SFRP1: variants seen among roughly 807,000 people sequenced by gnomAD.
SFRP1 encodes the protein secreted frizzled related protein 1.
A neutral mutation model predicts 25.9 loss-of-function variants in SFRP1; 9 were observed. The observed-to-expected ratio is 0.35, with a 90% CI of 0.21 to 0.61. SFRP1 has a LOEUF of 0.61. Ranked by LOEUF, SFRP1 falls within the 20% of genes least tolerant of loss-of-function variation. The probability of loss-of-function intolerance (pLI) is 0.78; values close to 1 mark genes in which losing one functional copy is unlikely to be tolerated. For missense variants in SFRP1, 346 were observed against 418.2 expected (o/e 0.83, Z 1.51); for synonymous variants, 178 against 174.0 (o/e 1.02, Z -0.18).
intron 2 of SFRP1, among the ~76,000 whole-genome samples, chr8:41,285,880 G>A (rs954184455): frequency 2.0e-5 from 3 of 152,158 alleles, no homozygotes; most frequent in South Asian, 4.1e-4. Flanking sequence ...CCTCCCAGCC[G>A]CCTCAGAAGT....
In SFRP1 at chr8:41,265,012, A is replaced by C. The variant is rs1002053680; in HGVS notation, c.*155T>G. On this transcript the variant is annotated 3_prime_UTR_variant, in exon 3 of 3. Coordinates refer to ENST00000220772, the MANE Select transcript of SFRP1 (RefSeq NM_003012.5). ...GGTTTGGAGCGTGGCTATGGAGGGA[A>C]GGGAGCGGGAATGCTGCAAGAACAA... 1 of 614,804 alleles carries C rather than the reference A, an allele frequency of 1.6e-6. No individual in the cohort carries two copies. The highest frequency in any genetic ancestry group is 3.0e-5 in the Admixed American group (1 of 33,448). 38.1% of individuals were successfully genotyped at this position (614,804 alleles called of 1,614,324 possible).
At position 41,296,785 on chromosome 8, in the gene SFRP1, G is replaced by A. The variant is rs114125764; in HGVS notation, c.622+6676C>T. Among the ~76,000 whole-genome samples the A allele has an allele frequency of 2.4e-3, 369 of 152,222 alleles. 6 individuals carry two copies. The highest frequency in any genetic ancestry group is 8.3e-3 in the African/African-American group (346 of 41,520). On this transcript the variant is annotated intron_variant, in intron 2 of 2. Coordinates refer to ENST00000220772, the MANE Select transcript of SFRP1 (RefSeq NM_003012.5). ...CCCTGCTAAATTAAAAGGAGAACGC[G>A]TTAGGTAGAGTGTTTCTAAAAAACA...
At chr8:41,304,288 G>C (rs949886754) in intron 1 of SFRP1, among the ~76,000 whole-genome samples, 4 of 152,234 alleles carry the variant, frequency 2.6e-5, no homozygotes, top group African/African-American at 9.6e-5. Context: ...GGCCAGGGCA[G>C]AAGCCTCCTC....
In SFRP1 at chr8:41,303,532, G is replaced by A. The variant is rs146935086; in HGVS notation, c.551C>T (p.Thr184Met). The change falls in exon 2 of 3, where the codon ACG becomes ATG. Residue 184 changes from threonine (T) to methionine (M), a missense_variant. Coordinates refer to ENST00000220772, the MANE Select transcript of SFRP1 (RefSeq NM_003012.5). Reference protein sequence around the residue: ...ATEASKPQGTTVCPPCDNELK... With the variant: ...ATEASKPQGTMVCPPCDNELK... ...CTCGTTGTCACAGGGAGGACACACC[G>A]TTGTGCCTGGGAAAGGAAGTAGGGA... 2.0e-4 allele frequency: 322 copies of A among 1,613,212 alleles called. No homozygotes were observed. The highest frequency in any genetic ancestry group is 4.1e-4 in the African/African-American group (31 of 74,984).
chr8:41,266,861 AG>A (rs1289203503), intron 2 of SFRP1, among the ~76,000 whole-genome samples: 1 of 152,234 alleles, frequency 6.6e-6, no homozygotes, highest in Non-Finnish European at 1.5e-5. Context: ...GCACTCAGCA[AG>A]GGAAAGTTAA....
intron 2 of SFRP1, among the ~76,000 whole-genome samples, chr8:41,301,985 A>G (rs1282932976): frequency 6.6e-6 from 1 of 152,226 alleles, no homozygotes; most frequent in Non-Finnish European, 1.5e-5. Context: ...ATTCTTTCCC[A>G]GGCTTGCCTC....
intron 2 of SFRP1, among the ~76,000 whole-genome samples, chr8:41,294,762 A>C (rs1408557149): frequency 6.6e-6 from 1 of 151,954 alleles, no homozygotes; most frequent in Admixed American, 6.6e-5. Flanking sequence ...TACATTCAAG[A>C]CTCAAATATG....
In SFRP1 at chr8:41,309,135, C is replaced by A; in HGVS notation, c.25G>T (p.Gly9Cys). The A allele has an allele frequency of 7.0e-7, 1 of 1,435,742 alleles. No individual in the cohort carries two copies. Among genetic ancestry groups the A allele is most frequent in the South Asian group, 1.5e-5 (1 of 67,876 alleles). 88.9% of individuals were successfully genotyped at this position (1,435,742 alleles called of 1,614,324 possible). A position where few individuals can be genotyped will look rare whatever the true frequency, so the allele number is the denominator to read the frequency against. The change falls in exon 1 of 3, where the codon GGC becomes TGC. Residue 9 changes from glycine to cysteine, a missense_variant. Transcript: ENST00000220772. The part of the protein sequence containing the change: MGIGRSEG[G>C]RRGAALGVLL... The stretch of plus-strand genomic sequence containing the variant: ...ACGCCCAGGGCTGCCCCGCGGCGGC[C>A]CCCCTCGCTGCGCCCGATGCCCATG...
intron 2 of SFRP1, among the ~76,000 whole-genome samples, chr8:41,292,560 G>C (rs1225748735): frequency 6.6e-6 from 1 of 152,152 alleles, no homozygotes; most frequent in Non-Finnish European, 1.5e-5. Flanking sequence ...TCTTTATAAA[G>C]TATTCAGTCT....
chr8:41,293,382 T>A (rs142840973), intron 2 of SFRP1, among the ~76,000 whole-genome samples: 1 of 152,172 alleles, frequency 6.6e-6, no homozygotes, highest in East Asian at 1.9e-4. Context: ...AAGCAGAACA[T>A]AGAATGCGAA....
intron 2 of SFRP1, among the ~76,000 whole-genome samples, chr8:41,294,630 A>T (rs1034142884): frequency 3.3e-5 from 5 of 152,126 alleles, no homozygotes; most frequent in African/African-American, 1.2e-4. Context: ...TACCTCTGTT[A>T]TGCCTCCAAA....
chr8:41,303,517 C>T lies in SFRP1; in HGVS notation c.566G>A (p.Cys189Tyr), dbSNP rs1166811978. The T allele has an allele frequency of 5.0e-6, 8 of 1,613,832 alleles. No individual in the cohort carries two copies. The highest frequency in any genetic ancestry group is 6.8e-6 in the Non-Finnish European group (8 of 1,179,914). Residue 189 changes from cysteine to tyrosine, a missense_variant, in exon 2 of 3, where the codon TGT (cysteine) becomes TAT (tyrosine). Cys to Tyr is a radical substitution (Grantham distance 194). Coordinates refer to ENST00000220772, the MANE Select transcript of SFRP1 (RefSeq NM_003012.5). ...KPQGTTVCPP[C>Y]DNELKSEAII... ...GGCCTCAGATTTCAACTCGTTGTCA[C>T]AGGGAGGACACACCGTTGTGCCTGG...
chr8:41,280,403 T>C (rs1803621318), intron 2 of SFRP1, among the ~76,000 whole-genome samples: 1 of 152,192 alleles, frequency 6.6e-6, no homozygotes, highest in South Asian at 2.1e-4. Context: ...GCCTTACCTC[T>C]ATTTTCTGGA....
intron 2 of SFRP1, among the ~76,000 whole-genome samples, chr8:41,288,688 T>C (rs1803739431): frequency 6.6e-6 from 1 of 152,168 alleles, no homozygotes; most frequent in African/African-American, 2.4e-5. Context: ...GTTCCAAGCA[T>C]TGCCCTTGGC....
intron 1 of SFRP1, among the ~76,000 whole-genome samples, chr8:41,305,023 C>T (rs937857904): frequency 5.9e-5 from 9 of 152,086 alleles, no homozygotes. Context: ...TGGTAATTCT[C>T]ACAAAGGAGA....
intron 2 of SFRP1, among the ~76,000 whole-genome samples, chr8:41,279,959 CT>C (rs1380075843): frequency 6.6e-6 from 1 of 152,214 alleles, no homozygotes; most frequent in Non-Finnish European, 1.5e-5. Flanking sequence ...TGAATAGTCT[CT>C]TTCTTTTTTT....
rs368345836 is a variant in SFRP1 at position 41,265,255 on chromosome 8, T to C, written c.857A>G (p.Lys286Arg). The change falls in exon 3 of 3, where the codon AAG (lysine) becomes AGG (arginine). Residue 286 changes from lysine to arginine, a missense_variant. Physicochemically the swap from Lys to Arg is conservative, Grantham distance 26. Coordinates refer to ENST00000220772, the MANE Select transcript of SFRP1 (RefSeq NM_003012.5). ...KSQYLLTAIHKWDKKNKEFKN... is the reference protein window; with the variant it reads ...KSQYLLTAIHRWDKKNKEFKN... ...GAACTCCTTGTTTTTCTTGTCCCAC[T>C]TGTGGATGGCCGTCAGCAAGTACTG... is the stretch of plus-strand genomic sequence containing the variant. 6 of 1,614,032 alleles carry C rather than the reference T, an allele frequency of 3.7e-6. No individual in the cohort carries two copies. In the African/African-American group the frequency reaches 4.0e-5, roughly 11 times the overall value.
Position 41,309,201 on chromosome 8 carries a change from C to T in SFRP1, c.-42G>A, listed in dbSNP as rs1804040099. On this transcript the variant is annotated 5_prime_UTR_variant, in exon 1 of 3. Transcript: ENST00000220772. ...GTTCTCCGCGACGTCGGGGCTGCCT[C>T]CGCCGCCTCCCCGCGCGCGTCCTGC... 7.9e-7 allele frequency: 1 copy of T among 1,273,130 alleles called. No homozygotes were observed. Among genetic ancestry groups the T allele is most frequent in the Middle Eastern group, 3.0e-4 (1 of 3,338 alleles). 78.9% of individuals were successfully genotyped at this position (1,273,130 alleles called of 1,614,324 possible).
chr8:41,275,746 A>C (rs961834320), intron 2 of SFRP1, among the ~76,000 whole-genome samples: 29 of 150,778 alleles, frequency 1.9e-4, no homozygotes, highest in Admixed American at 1.5e-3. Context: ...TCGTGATCCG[A>C]GACTGGCAAA....
Sources: allele counts gnomAD v4.1 joint callset (sites outside exome capture counted in the v4.1 genomes callset), GRCh38; gene constraint gnomAD v4.1.1; transcripts MANE v1.5; gene names NCBI Gene and HGNC (gene_info 2026-07-23, HGNC 2026-07-21).